TTC22: variants seen among roughly 807,000 people sequenced by gnomAD.
TTC22 encodes tetratricopeptide repeat domain 22.
Under a neutral mutation model 48.2 loss-of-function variants are expected in TTC22, and 42 were observed. The observed-to-expected ratio is 0.87, with a 90% CI of 0.68 to 1.13. The LOEUF (loss-of-function observed/expected upper bound fraction) is 1.13. Among genes scored for constraint, TTC22 ranks in the 50% most tolerant of loss-of-function variants. The pLI, the probability that TTC22 is intolerant of heterozygous loss-of-function variation, is 0.00. For synonymous variants in TTC22, 345 were observed against 365.5 expected (o/e 0.94, Z 0.64); for missense variants, 784 against 807.0 (o/e 0.97, Z 0.34).
intron 5 of TTC22, chr1:54,784,522 A>G (rs1162745755): frequency 1.0e-6 from 1 of 1,002,874 alleles, no homozygotes; most frequent in East Asian, 1.1e-4. Context: ...GGTTCTTGTG[A>G]ACATTAAATC....
At position 54,786,139 on chromosome 1, in the gene TTC22, A is replaced by G; in HGVS notation, c.864T>C (p.Ile288=). 1 of 1,613,808 alleles carries G rather than the reference A, an allele frequency of 6.2e-7. No individual in the cohort carries two copies. Residue 288 remains isoleucine, a synonymous_variant, in exon 5 of 7, where the codon ATT becomes ATC. Transcript: ENST00000371276. ...TGGGAGGTTGGTTCTTGGCAATCTC[A>G]ATGGCCTAGGTAAGGGAGGAGTGCA... ...TDPLDCFGKA[I]EIAKNQPPIL...
At position 54,781,188 on chromosome 1, in the gene TTC22, G is replaced by A. The variant is rs1646258176; in HGVS notation, c.*55C>T. Reference sequence around the variant, plus strand: ...AGTCCATCCGGACCTGGTCCCATCAGCTGGGCGGGGCCTGGGCGGGGTCCC... The same window carrying A: ...AGTCCATCCGGACCTGGTCCCATCAACTGGGCGGGGCCTGGGCGGGGTCCC... On this transcript the variant is annotated 3_prime_UTR_variant, in exon 7 of 7. Coordinates refer to ENST00000371276, the MANE Select transcript of TTC22 (RefSeq NM_001114108.2). 7.8e-7 allele frequency: 1 copy of A among 1,287,688 alleles called. No individual in the cohort carries two copies. Among genetic ancestry groups the A allele is most frequent in the Non-Finnish European group, 1.0e-6 (1 of 994,486 alleles). 79.8% of individuals were successfully genotyped at this position (1,287,688 alleles called of 1,614,324 possible).
chr1:54,795,167 C>T (rs1317992024), intron 1 of TTC22, among the ~76,000 whole-genome samples: 3 of 152,248 alleles, frequency 2.0e-5, no homozygotes, highest in African/African-American at 7.2e-5. Flanking sequence ...CCTCTCACTC[C>T]TCTAGGGGTC....
In TTC22 at chr1:54,781,678, C is replaced by T. The variant is rs570927341; in HGVS notation, c.1275G>A (p.Ser425=). The stretch of plus-strand genomic sequence containing the variant: ...GCTCGGGCAGCGTGGCACCCAGCTC[C>T]GACTCGCCCGCCTTGGCCAGGAACA... ...ALVFLAKAGE[S]ELGATLPELQ... Residue 425 remains serine, a synonymous_variant, in exon 7 of 7, where the codon TCG becomes TCA. Coordinates refer to ENST00000371276, the MANE Select transcript of TTC22 (RefSeq NM_001114108.2). The T allele has an allele frequency of 2.0e-6, 3 of 1,530,790 alleles. No homozygotes were observed. The African/African-American group carries it at 4.1e-5, about 21-fold the overall frequency. 94.8% of individuals were successfully genotyped at this position (1,530,790 alleles called of 1,614,324 possible). A position where few individuals can be genotyped will look rare whatever the true frequency, so the allele number is the denominator to read the frequency against.
intron 3 of TTC22, chr1:54,787,438 C>A: frequency 1.7e-6 from 1 of 574,384 alleles, no homozygotes; most frequent in Non-Finnish European, 3.1e-6. Flanking sequence ...ATCTTCTGAC[C>A]ATAAATAGGT....
At chr1:54,789,940 CTGCA>C (rs893156972) in intron 1 of TTC22, among the ~76,000 whole-genome samples, 1 of 152,206 alleles carries the variant, frequency 6.6e-6, no homozygotes, top group Non-Finnish European at 1.5e-5. Context: ...ATGCTGGGGT[CTGCA>C]TGCAGCCAGA....
intron 2 of TTC22, 43 bp from the exon 3 acceptor site, chr1:54,787,869 G>C: frequency 1.3e-6 from 2 of 1,544,530 alleles, no homozygotes; most frequent in Non-Finnish European, 1.8e-6. Flanking sequence ...ACCCCTCCCG[G>C]CTGTCCTGTG....
At chr1:54,800,454 ATG>A in intron 1 of TTC22, 141 bp downstream of exon 1, 1 of 709,292 alleles carries the variant, frequency 1.4e-6, no homozygotes, top group East Asian at 3.3e-5. Context: ...CAGGCGGGGG[ATG>A]CACATTGGAA....
intron 5 of TTC22, among the ~76,000 whole-genome samples, chr1:54,782,903 C>G (rs1450888483): frequency 6.6e-6 from 1 of 152,104 alleles, no homozygotes; most frequent in Non-Finnish European, 1.5e-5. Flanking sequence ...AGTGCTATGA[C>G]AAAATAAATA....
At chr1:54,785,775 C>A in intron 5 of TTC22, 1 of 556,284 alleles carries the variant, frequency 1.8e-6, no homozygotes, top group Non-Finnish European at 3.2e-6. Context: ...GTGGCACCAC[C>A]ATACTCCAGT....
intron 1 of TTC22, chr1:54,794,968 C>G (rs1486840663): frequency 6.6e-6 from 1 of 152,366 alleles, no homozygotes; most frequent in African/African-American, 2.4e-5. Context: ...CACAGAGCAG[C>G]CTTTCTGCTC....
rs112886857 is a variant in TTC22 at position 54,785,578 on chromosome 1, G to A, written c.1020+405C>T. ...TGGAATTCCAGCACTTTGGGAGGTCGAGGTGGGAGGACTGCTTGAGCCCAG... is the reference window on the plus strand; with the variant it reads ...TGGAATTCCAGCACTTTGGGAGGTCAAGGTGGGAGGACTGCTTGAGCCCAG... On this transcript the variant is annotated intron_variant, in intron 5 of 6. Coordinates refer to ENST00000371276, the MANE Select transcript of TTC22 (RefSeq NM_001114108.2). The A allele has an allele frequency of 1.0e-3, 457 of 451,178 alleles. 3 individuals are homozygous for A. Among genetic ancestry groups the A allele is most frequent in the African/African-American group, 7.3e-3 (362 of 49,870 alleles). The allele number at this position is 451,178 out of a possible 1,614,324, so 27.9% of individuals were successfully genotyped here.
At chr1:54,792,475 C>T (rs1407065320) in intron 1 of TTC22, among the ~76,000 whole-genome samples, 1 of 151,944 alleles carries the variant, frequency 6.6e-6, no homozygotes, top group Non-Finnish European at 1.5e-5. Context: ...TCGCTCGTTG[C>T]CCAGACTGGA....
chr1:54,787,910 T>G (rs942475868), intron 2 of TTC22, 84 bp from the exon 3 acceptor site: 61 of 1,464,654 alleles, frequency 4.2e-5, no homozygotes, highest in Admixed American at 3.9e-4. Context: ...CCTGTGGTGG[T>G]GGGGGGTGGC....
At chr1:54,800,028 C>A (rs1051319220) in intron 1 of TTC22, among the ~76,000 whole-genome samples, 14 of 152,196 alleles carry the variant, frequency 9.2e-5, no homozygotes, top group African/African-American at 3.4e-4. Context: ...GCTCTCTTAA[C>A]CCCTACCCTG....
intron 1 of TTC22, among the ~76,000 whole-genome samples, chr1:54,795,497 T>C (rs970577535): frequency 5.9e-5 from 9 of 152,194 alleles, no homozygotes; most frequent in African/African-American, 2.2e-4. Flanking sequence ...GTTGAGCCAC[T>C]TCTCTGTTTC....
intron 1 of TTC22, among the ~76,000 whole-genome samples, chr1:54,800,382 G>A (rs2101477646): frequency 6.6e-6 from 1 of 152,306 alleles, no homozygotes; most frequent in South Asian, 2.1e-4. Context: ...GAGAGGCTTG[G>A]GCAGGCAGTC....
At chr1:54,784,713 G>A in intron 5 of TTC22, 1 of 1,226,522 alleles carries the variant, frequency 8.2e-7, no homozygotes, top group Non-Finnish European at 1.1e-6. Context: ...CCAAGACTGG[G>A]AGTAGATTTG....
rs370707848 is a variant in TTC22 at position 54,786,978 on chromosome 1, G to T, written c.837C>A (p.Asp279Glu). 3.2e-6 allele frequency: 5 copies of T among 1,553,636 alleles called. No homozygotes were observed. Among genetic ancestry groups the T allele is most frequent in the Non-Finnish European group, 4.3e-6 (5 of 1,149,826 alleles). Residue 279 changes from aspartate (D) to glutamate (E), a missense_variant, in exon 4 of 7, where the codon GAC becomes GAA. Asp to Glu is a conservative substitution (Grantham distance 45). Transcript: ENST00000371276. ...GTACCTTGCCGAAGCAGTCTAGAGGGTCGGTCCCTGAGTACCCGCAGTCAT... is the reference window on the plus strand; with the variant it reads ...GTACCTTGCCGAAGCAGTCTAGAGGTTCGGTCCCTGAGTACCCGCAGTCAT... ...GVHDCGYSGTDPLDCFGKAIE... is the reference protein window; with the variant it reads ...GVHDCGYSGTEPLDCFGKAIE...
Sources: allele counts gnomAD v4.1 joint callset (sites outside exome capture counted in the v4.1 genomes callset), GRCh38; gene constraint gnomAD v4.1.1; transcripts MANE v1.5; gene names NCBI Gene and HGNC (gene_info 2026-07-23, HGNC 2026-07-21).